AGBL4: variants seen among roughly 807,000 people sequenced by gnomAD.
The protein encoded by AGBL4 is cytosolic carboxypeptidase 6.
Under a neutral mutation model 66.4 loss-of-function variants are expected in AGBL4, and 58 were observed. That is an observed-to-expected ratio of 0.87 (90% CI 0.71 to 1.09). The LOEUF (loss-of-function observed/expected upper bound fraction) is 1.09, where lower values mean the gene tolerates loss of function less well. AGBL4 is among the 50% of genes least tolerant of loss of function. The probability of loss-of-function intolerance (pLI) is 0.00; values close to 1 mark genes in which losing one functional copy is unlikely to be tolerated. For synonymous variants in AGBL4, 234 were observed against 222.9 expected (o/e 1.05, Z -0.44); for missense variants, 579 against 631.0 (o/e 0.92, Z 0.88).
intron 1 of AGBL4, among the ~76,000 whole-genome samples, chr1:49,869,315 T>G (rs1240141721): frequency 6.6e-6 from 1 of 152,186 alleles, no homozygotes; most frequent in Non-Finnish European, 1.5e-5. Context: ...TGCAGCACTA[T>G]TCACAAGGGC....
chr1:49,254,466 A>G (rs1652315949), intron 3 of AGBL4, among the ~76,000 whole-genome samples: 1 of 152,208 alleles, frequency 6.6e-6, no homozygotes, highest in Admixed American at 6.5e-5. Flanking sequence ...AGGGAGGTGA[A>G]AGATCCCTAC....
At chr1:48,787,182 T>C (rs1480787515) in intron 6 of AGBL4, among the ~76,000 whole-genome samples, 4 of 152,136 alleles carry the variant, frequency 2.6e-5, no homozygotes, top group African/African-American at 9.7e-5. Context: ...TCTGCCCCAA[T>C]TCTGGCTCCC....
At chr1:48,744,838 C>A (rs537780303) in intron 6 of AGBL4, among the ~76,000 whole-genome samples, 5 of 152,306 alleles carry the variant, frequency 3.3e-5, no homozygotes, top group African/African-American at 9.6e-5. Context: ...CAATATTCAC[C>A]TCTGCTCAGG....
intron 2 of AGBL4, among the ~76,000 whole-genome samples, chr1:49,823,122 G>A (rs1386981390): frequency 1.3e-5 from 2 of 152,158 alleles, no homozygotes; most frequent in East Asian, 1.9e-4. Context: ...ACCTGTCTTG[G>A]ACTGTTATAT....
intron 1 of AGBL4, among the ~76,000 whole-genome samples, chr1:49,920,904 G>A (rs1571875101): frequency 6.6e-6 from 1 of 152,204 alleles, no homozygotes; most frequent in Non-Finnish European, 1.5e-5. Flanking sequence ...GGAATACTAT[G>A]CAGCCATAAA....
intron 2 of AGBL4, among the ~76,000 whole-genome samples, chr1:49,714,379 A>G (rs1028676029): frequency 2.0e-5 from 3 of 151,812 alleles, no homozygotes; most frequent in Non-Finnish European, 2.9e-5. Context: ...ATAATTCTCC[A>G]ATATCTATTA....
chr1:49,419,239 T>C (rs1645491978), intron 3 of AGBL4, among the ~76,000 whole-genome samples: 1 of 152,202 alleles, frequency 6.6e-6, no homozygotes, highest in African/African-American at 2.4e-5. Context: ...ACAACAAGTA[T>C]TATATGCAGT....
intron 1 of AGBL4, among the ~76,000 whole-genome samples, chr1:49,938,064 T>C (rs1208806473): frequency 1.3e-5 from 2 of 149,396 alleles, no homozygotes; most frequent in Admixed American, 6.7e-5. Context: ...GGAGCTGGTT[T>C]TTTGAAAGGA....
chr1:49,714,569 C>CATAT lies in AGBL4; in HGVS notation c.158-17136_158-17133dup, dbSNP rs60965691. ...GTTTGTTATAGTTGAGTAGTATTTA[C>CATAT]ATATATATATATATATATATATATA... is the stretch of plus-strand genomic sequence containing the variant. On this transcript the variant is annotated intron_variant, in intron 2 of 13. Transcript: ENST00000371839. Among the ~76,000 whole-genome samples the CATAT allele has an allele frequency of 6.1e-3, 864 of 141,820 alleles. 4 individuals carry two copies. Among genetic ancestry groups the CATAT allele is most frequent in the African/African-American group, 6.8e-3 (252 of 37,002 alleles). 93.0% of individuals were successfully genotyped at this position (141,820 alleles called of 152,430 possible).
intron 3 of AGBL4, among the ~76,000 whole-genome samples, chr1:49,550,571 G>T (rs373344397): frequency 7.2e-5 from 11 of 152,092 alleles, no homozygotes; most frequent in Admixed American, 5.2e-4. Flanking sequence ...GCTTAGTTTT[G>T]CTGGATACAA....
intron 3 of AGBL4, among the ~76,000 whole-genome samples, chr1:49,473,055 T>C (rs1327418482): frequency 1.3e-5 from 2 of 152,082 alleles, no homozygotes; most frequent in Non-Finnish European, 1.5e-5. Context: ...AATCCACCAT[T>C]GATAAGCATC....
intron 3 of AGBL4, among the ~76,000 whole-genome samples, chr1:49,514,543 G>T (rs1353695028): frequency 2.6e-5 from 4 of 151,848 alleles, no homozygotes; most frequent in Non-Finnish European, 5.9e-5. Context: ...CTACTTTAAA[G>T]TTCATATGGA....
chr1:49,440,404 G>A (rs549552849), intron 3 of AGBL4, among the ~76,000 whole-genome samples: 2 of 152,198 alleles, frequency 1.3e-5, no homozygotes, highest in East Asian at 3.9e-4. Context: ...AACACTGATA[G>A]TCCTTGGCGT....
intron 2 of AGBL4, among the ~76,000 whole-genome samples, chr1:49,780,809 C>T (rs959995465): frequency 1.3e-5 from 2 of 151,922 alleles, no homozygotes; most frequent in African/African-American, 2.4e-5. Context: ...GAAGGAGGAA[C>T]AGTGACTAAA....
chr1:49,600,543 T>C (rs1463845555), intron 3 of AGBL4, among the ~76,000 whole-genome samples: 1 of 152,226 alleles, frequency 6.6e-6, no homozygotes, highest in Admixed American at 6.5e-5. Flanking sequence ...AGAACACCGA[T>C]GGGTCTTGAC....
intron 4 of AGBL4, among the ~76,000 whole-genome samples, chr1:49,218,795 C>T (rs535523085): frequency 2.0e-5 from 3 of 152,144 alleles, no homozygotes; most frequent in South Asian, 2.1e-4. Flanking sequence ...AGGGACACAG[C>T]GGGAGGTAAC....
At chr1:49,846,874 A>G (rs771637827) in intron 2 of AGBL4, among the ~76,000 whole-genome samples, 16 of 152,220 alleles carry the variant, frequency 1.1e-4, no homozygotes, top group Non-Finnish European at 7.3e-5. Flanking sequence ...TACAGATTCA[A>G]TGCAATCCCT....
At chr1:49,395,485 G>C (rs1016407973) in intron 3 of AGBL4, among the ~76,000 whole-genome samples, 1 of 151,448 alleles carries the variant, frequency 6.6e-6, no homozygotes, top group Non-Finnish European at 1.5e-5. Context: ...ATAAAAGAAA[G>C]GGTATGACAC....
At chr1:49,671,198 A>G (rs1646468974) in intron 3 of AGBL4, among the ~76,000 whole-genome samples, 1 of 152,116 alleles carries the variant, frequency 6.6e-6, no homozygotes, top group Non-Finnish European at 1.5e-5. Flanking sequence ...TGACCATCTG[A>G]TGTTTGACAA....
Sources: gnomAD v4.1 joint callset for allele counts (sites outside exome capture counted in the v4.1 genomes callset) on GRCh38, gnomAD v4.1.1 for gene constraint, MANE v1.5 for transcripts, NCBI Gene and HGNC (gene_info 2026-07-23, HGNC 2026-07-21) for gene names.